GREB1: variants seen among roughly 807,000 people sequenced by gnomAD.
The protein encoded by GREB1 is growth regulating estrogen receptor binding 1, also known as protein GREB1.
GREB1 carries 106 observed loss-of-function variants against 200.7 expected under a neutral mutation model. The ratio of observed to expected loss-of-function variants is 0.53; its 90% CI spans 0.45 to 0.62. GREB1 has a LOEUF of 0.62. GREB1 is among the 20% of genes least tolerant of loss of function. The pLI is 0.00. For missense variants in GREB1, 2,243 were observed against 2,556.8 expected (o/e 0.88, Z 2.65); for synonymous variants, 1,132 against 1,092.4 (o/e 1.04, Z -0.72).
chr2:11,500,230 C>T (rs1215646401), intron 1 of GREB1, among the ~76,000 whole-genome samples: 1 of 151,928 alleles, frequency 6.6e-6, no homozygotes, highest in African/African-American at 2.4e-5. Context: ...GGTGTGATCT[C>T]GGCTTACCGC....
intron 16 of GREB1, 106 bp downstream of exon 16, chr2:11,601,101 C>T (rs1277095531): frequency 8.1e-6 from 7 of 866,128 alleles, no homozygotes; most frequent in Non-Finnish European, 1.0e-5. Flanking sequence ...ATAATGGGTT[C>T]CAGCTCCTTG....
chr2:11,638,601 A>C, intron 31 of GREB1, 70 bp from the exon 32 acceptor site: 2 of 1,454,828 alleles, frequency 1.4e-6, no homozygotes. Context: ...ACTAGGTGCA[A>C]ACCTGTAGTA....
chr2:11,611,734 T>C (rs1682947433), intron 18 of GREB1, among the ~76,000 whole-genome samples: 1 of 152,106 alleles, frequency 6.6e-6, no homozygotes, highest in South Asian at 2.1e-4. Context: ...GCAATGGCCA[T>C]CCCCACAGAA....
Position 11,629,961 on chromosome 2 carries a change from C to T in GREB1, c.4463C>T (p.Thr1488Ile). ...CCCACACCCCAGCTGTATGAGTCCACCCTGCACGCCTTTGCCTTCTCTTAC... is the reference window on the plus strand; with the variant it reads ...CCCACACCCCAGCTGTATGAGTCCATCCTGCACGCCTTTGCCTTCTCTTAC... ...FHPRYQLYESTLHAFAFSYSM... is the reference protein window; with the variant it reads ...FHPRYQLYESILHAFAFSYSM... The change falls in exon 26 of 33, where the codon ACC becomes ATC. Residue 1488 changes from threonine (T) to isoleucine (I), a missense_variant. By Grantham distance (89) the Thr-to-Ile change is moderately conservative. This residue lies in a region of GREB1 where 478 missense variants were observed against 616.3 expected (regional missense o/e 0.78). Coordinates refer to ENST00000381486, the MANE Select transcript of GREB1 (RefSeq NM_014668.4). The surrounding 1 kb of genome is among the most constrained non-coding windows in gnomAD (Gnocchi z 5.2). 1 of 1,614,122 alleles carries T rather than the reference C, an allele frequency of 6.2e-7. No individual in the cohort carries two copies. Among genetic ancestry groups the T allele is most frequent in the Non-Finnish European group, 8.5e-7 (1 of 1,179,982 alleles).
chr2:11,597,655 C>G lies in GREB1; in HGVS notation c.1955-126C>G. On this transcript the variant is annotated intron_variant, in intron 13 of 32. Coordinates refer to ENST00000381486, the MANE Select transcript of GREB1 (RefSeq NM_014668.4). This position sits in a 1 kb window ranked among gnomAD's most constrained non-coding sequence, Gnocchi z 4.1. ...GACTTGATAAACGTGAGTTATTCCC[C>G]TTTCCCTCATCGCTTTGTGAATGGG... 4 of 801,794 alleles carry G rather than the reference C, an allele frequency of 5.0e-6. No individual in the cohort carries two copies. In the Admixed American group the frequency reaches 7.7e-5, roughly 15 times the overall value. 49.7% of individuals were successfully genotyped at this position (801,794 alleles called of 1,614,324 possible).
rs371356681 is a variant in GREB1 at position 11,594,993 on chromosome 2, C to CTT, written c.1697-244_1697-243dup. Among the ~76,000 whole-genome samples, 323 of 143,270 alleles carry CTT rather than the reference C, an allele frequency of 2.3e-3. 4 individuals are homozygous for CTT. Among genetic ancestry groups the CTT allele is most frequent in the African/African-American group, 4.3e-3 (166 of 38,632 alleles). 94.0% of individuals were successfully genotyped at this position (143,270 alleles called of 152,430 possible). A position where few individuals can be genotyped will look rare whatever the true frequency, so the allele number is the denominator to read the frequency against. On this transcript the variant is annotated intron_variant, in intron 11 of 32. Transcript: ENST00000381486. ...GCAGGTGTGAGCCACTGTGCCTGGC[C>CTT]TTTTTTTTTTTTTTTAAATAAATTA...
chr2:11,510,057 G>GT (rs1673305357), intron 1 of GREB1, among the ~76,000 whole-genome samples: 2 of 152,258 alleles, frequency 1.3e-5, no homozygotes, highest in African/African-American at 4.8e-5. Flanking sequence ...GTTTATAACA[G>GT]TTTTTTTCTT....
chr2:11,502,554 A>G (rs999653538), intron 1 of GREB1, among the ~76,000 whole-genome samples: 1 of 151,914 alleles, frequency 6.6e-6, no homozygotes, highest in East Asian at 1.9e-4. Context: ...AACTAGTGCA[A>G]TTTGGGGTTT....
intron 16 of GREB1, among the ~76,000 whole-genome samples, chr2:11,601,669 T>C (rs1192796194): frequency 6.6e-6 from 1 of 152,224 alleles, no homozygotes; most frequent in East Asian, 1.9e-4. Context: ...GAATCCATGG[T>C]GGGGATAGCC....
At chr2:11,587,524 C>T in intron 9 of GREB1, 10 of 1,562,818 alleles carry the variant, frequency 6.4e-6, no homozygotes, top group Non-Finnish European at 8.7e-6. Flanking sequence ...CCCTGGGTGG[C>T]ACCAGCAAGT....
chr2:11,621,561 C>T (rs530751318), intron 23 of GREB1, among the ~76,000 whole-genome samples: 1 of 152,262 alleles, frequency 6.6e-6, no homozygotes, highest in East Asian at 1.9e-4. Context: ...TTTGAGCACC[C>T]CTTTTGTGCT....
chr2:11,545,046 C>T (rs1675137214), intron 1 of GREB1, among the ~76,000 whole-genome samples: 1 of 151,114 alleles, frequency 6.6e-6, no homozygotes, highest in Non-Finnish European at 1.5e-5. Context: ...AACTCCTGAC[C>T]ACAGGTGATC....
intron 11 of GREB1, among the ~76,000 whole-genome samples, chr2:11,594,563 C>T (rs950262527): frequency 6.6e-6 from 1 of 151,944 alleles, no homozygotes; most frequent in African/African-American, 2.4e-5. Context: ...CCATGTTGGC[C>T]AGGCTGGTCT....
chr2:11,607,575 C>CATATATACATATATATACATATAGAT (rs1558625289), intron 17 of GREB1, among the ~76,000 whole-genome samples: 3 of 103,426 alleles, frequency 2.9e-5, no homozygotes, highest in Non-Finnish European at 4.0e-5. Flanking sequence ...CGCATATATA[C>CATATATACATATATATACATATAGAT]ACATATATAC....
At chr2:11,586,375 G>T (rs186210371) in intron 9 of GREB1, among the ~76,000 whole-genome samples, 1 of 152,238 alleles carries the variant, frequency 6.6e-6, no homozygotes, top group Non-Finnish European at 1.5e-5. Context: ...AAAGATAGCC[G>T]TGGTCACCAC....
intron 22 of GREB1, among the ~76,000 whole-genome samples, chr2:11,620,581 G>A (rs999002190): frequency 1.3e-5 from 2 of 152,136 alleles, no homozygotes; most frequent in Non-Finnish European, 2.9e-5. Flanking sequence ...CATAAGGCAT[G>A]TTTATAGTAT....
chr2:11,629,648 G>T lies in GREB1; in HGVS notation c.4450-300G>T, dbSNP rs4669757. 2.0e-5 allele frequency among the ~76,000 whole-genome samples: 3 copies of T among 152,124 alleles called. No homozygotes were observed. The highest frequency in any genetic ancestry group is 4.4e-5 in the Non-Finnish European group (3 of 68,010). ...GTTGGTGACCCAGAACAGGGCTCTG[G>T]TCAGGTTCAAAGCCACGGGGACCAG... On this transcript the variant is annotated intron_variant, in intron 25 of 32. Coordinates refer to ENST00000381486, the MANE Select transcript of GREB1 (RefSeq NM_014668.4). This position sits in a 1 kb window ranked among gnomAD's most constrained non-coding sequence, Gnocchi z 5.2.
intron 1 of GREB1, among the ~76,000 whole-genome samples, chr2:11,528,174 G>A (rs1030055421): frequency 6.6e-6 from 1 of 152,180 alleles, no homozygotes; most frequent in Admixed American, 6.5e-5. Context: ...GCTTGTGACT[G>A]TCTGAGGAAC....
At chr2:11,556,163 C>T (rs1006579157) in intron 1 of GREB1, among the ~76,000 whole-genome samples, 1 of 152,066 alleles carries the variant, frequency 6.6e-6, no homozygotes, top group Non-Finnish European at 1.5e-5. Flanking sequence ...TGGGGGAGGC[C>T]GGCTCCTCTA....
Sources: allele counts gnomAD v4.1 joint callset (sites outside exome capture counted in the v4.1 genomes callset), GRCh38; gene constraint gnomAD v4.1.1; regional missense constraint gnomAD v4.1.1; non-coding constraint Gnocchi (gnomAD v3.1); transcripts MANE v1.5; gene names NCBI Gene and HGNC (gene_info 2026-07-23, HGNC 2026-07-21).